GPR39: variants seen among roughly 807,000 people sequenced by gnomAD.
GPR39 encodes the protein zinc sensing receptor.
A neutral mutation model predicts 18.4 loss-of-function variants in GPR39; 23 were observed. The observed-to-expected ratio is 1.25, with a 90% CI of 0.90 to 1.77. GPR39 has a LOEUF of 1.77. Among genes scored for constraint, GPR39 ranks in the 40% most tolerant of loss-of-function variants. The pLI is 0.00. For missense variants in GPR39, 647 were observed against 602.4 expected, an observed-to-expected ratio of 1.07 and a Z score of -0.78; for synonymous variants, 280 against 257.9, an observed-to-expected ratio of 1.09 and a Z score of -0.82.
At chr2:132,488,032 G>A (rs1203576680) in intron 1 of GPR39, among the ~76,000 whole-genome samples, 1 of 152,142 alleles carries the variant, frequency 6.6e-6, no homozygotes, top group Non-Finnish European at 1.5e-5. Context: ...AGTGTATATA[G>A]CTTTCAAAGA....
At chr2:132,466,814 G>A (rs1338959057) in intron 1 of GPR39, among the ~76,000 whole-genome samples, 1 of 152,120 alleles carries the variant, frequency 6.6e-6, no homozygotes, top group Non-Finnish European at 1.5e-5. Flanking sequence ...AGTGGCATCT[G>A]TGCCCAGAGA....
intron 1 of GPR39, among the ~76,000 whole-genome samples, chr2:132,485,557 C>G (rs1012892042): frequency 6.6e-6 from 1 of 152,214 alleles, no homozygotes; most frequent in Non-Finnish European, 1.5e-5. Context: ...AAGTAATATT[C>G]TAAAGCCTTC....
chr2:132,447,595 C>T (rs1464200151), intron 1 of GPR39, among the ~76,000 whole-genome samples: 1 of 152,144 alleles, frequency 6.6e-6, no homozygotes, highest in African/African-American at 2.4e-5. Flanking sequence ...GGTGCCTGCT[C>T]AGACTGAAAA....
chr2:132,464,115 A>G (rs1286190025), intron 1 of GPR39, among the ~76,000 whole-genome samples: 2 of 152,246 alleles, frequency 1.3e-5, no homozygotes, highest in Non-Finnish European at 2.9e-5. Context: ...TAGATGTTAA[A>G]TTAAAAATCA....
At chr2:132,542,881 C>T (rs1359338635) in intron 1 of GPR39, among the ~76,000 whole-genome samples, 3 of 152,172 alleles carry the variant, frequency 2.0e-5, no homozygotes, top group Non-Finnish European at 4.4e-5. Flanking sequence ...TCCCAACCTC[C>T]CTTGCCACTC....
chr2:132,470,528 T>C (rs551052944), intron 1 of GPR39, among the ~76,000 whole-genome samples: 1 of 152,086 alleles, frequency 6.6e-6, no homozygotes, highest in African/African-American at 2.4e-5. Flanking sequence ...TGGAGATGGA[T>C]TATAAAGTGC....
chr2:132,628,234 G>T (rs1681587343), intron 1 of GPR39, among the ~76,000 whole-genome samples: 2 of 152,156 alleles, frequency 1.3e-5, no homozygotes, highest in Admixed American at 1.3e-4. Flanking sequence ...TTGCCCCACT[G>T]GTGCCCTGAG....
chr2:132,465,784 G>C (rs900100023), intron 1 of GPR39, among the ~76,000 whole-genome samples: 3 of 152,144 alleles, frequency 2.0e-5, no homozygotes, highest in Admixed American at 6.5e-5. Context: ...TATGACCTCA[G>C]GAAGGTTAAT....
chr2:132,578,763 G>C (rs978909607), intron 1 of GPR39, among the ~76,000 whole-genome samples: 2 of 151,966 alleles, frequency 1.3e-5, no homozygotes, highest in Non-Finnish European at 2.9e-5. Context: ...TTTTATCTAA[G>C]TTATCAAATA....
intron 1 of GPR39, among the ~76,000 whole-genome samples, chr2:132,510,049 G>A (rs1391623135): frequency 6.6e-6 from 1 of 152,194 alleles, no homozygotes; most frequent in Non-Finnish European, 1.5e-5. Flanking sequence ...CTCTAACTAT[G>A]ACTGAGAGGC....
At chr2:132,587,941 G>A (rs1680761136) in intron 1 of GPR39, among the ~76,000 whole-genome samples, 1 of 152,114 alleles carries the variant, frequency 6.6e-6, no homozygotes, top group East Asian at 1.9e-4. Context: ...GGAGTTGACT[G>A]GAATAATGAA....
At position 132,554,843 on chromosome 2, in the gene GPR39, A is replaced by G. The variant is rs573948978; in HGVS notation, c.857-90258A>G. ...GCTTTACAAACTTTTTAGTGCACAC[A>G]TCTCTCCCACATAAACAGTAAGCTT... is the stretch of plus-strand genomic sequence containing the variant. On this transcript the variant is annotated intron_variant, in intron 1 of 1. Transcript: ENST00000329321. Among the ~76,000 whole-genome samples the G allele has an allele frequency of 1.6e-4, 24 of 152,316 alleles. 1 individual carries two copies. Among genetic ancestry groups the G allele is most frequent in the African/African-American group, 5.5e-4 (23 of 41,578 alleles).
intron 1 of GPR39, among the ~76,000 whole-genome samples, chr2:132,605,289 G>T (rs1052860065): frequency 1.3e-5 from 2 of 152,208 alleles, no homozygotes. Flanking sequence ...TGAAGTGGAT[G>T]TGGGTAGGCT....
chr2:132,583,661 G>C (rs759787937), intron 1 of GPR39, among the ~76,000 whole-genome samples: 8 of 151,788 alleles, frequency 5.3e-5, no homozygotes, highest in Non-Finnish European at 1.0e-4. Flanking sequence ...GATTGAAGAG[G>C]GGCATGGCAG....
intron 1 of GPR39, among the ~76,000 whole-genome samples, chr2:132,536,859 A>C (rs893229027): frequency 5.9e-5 from 9 of 152,166 alleles, no homozygotes; most frequent in Admixed American, 5.9e-4. Flanking sequence ...GTTGGTTTAA[A>C]GTCTGTTTTA....
At chr2:132,534,864 A>G (rs895181863) in intron 1 of GPR39, among the ~76,000 whole-genome samples, 3 of 152,094 alleles carry the variant, frequency 2.0e-5, no homozygotes, top group African/African-American at 7.2e-5. Flanking sequence ...AGGGAGGGTT[A>G]GCATTAGGAG....
At chr2:132,565,281 C>T (rs973288274) in intron 1 of GPR39, among the ~76,000 whole-genome samples, 1 of 152,102 alleles carries the variant, frequency 6.6e-6, no homozygotes, top group Non-Finnish European at 1.5e-5. Context: ...CAGAAGGACA[C>T]TCATAGTGAA....
intron 1 of GPR39, among the ~76,000 whole-genome samples, chr2:132,418,692 G>A (rs1679955842): frequency 6.6e-6 from 1 of 152,202 alleles, no homozygotes; most frequent in Non-Finnish European, 1.5e-5. Flanking sequence ...TTTAAAAAGA[G>A]CCCACAGGTC....
Position 132,417,139 on chromosome 2 carries a change from C to T in GPR39, c.97C>T (p.Leu33Phe), listed in dbSNP as rs766900186. ...GGTGGCCACCTGGATCAAAATCACC[C>T]TTATTCTGGTGTACCTGATCATCTT... ...FEVATWIKIT[L>F]ILVYLIIFVM... The change falls in exon 1 of 2, where the codon CTT (leucine) becomes TTT (phenylalanine). Residue 33 changes from leucine to phenylalanine, a missense_variant. By Grantham distance (22) the Leu-to-Phe change is conservative (BLOSUM62 0). Transcript: ENST00000329321. The T allele has an allele frequency of 6.2e-7, 1 of 1,614,140 alleles. No homozygotes were observed. The highest frequency in any genetic ancestry group is 1.1e-5 in the South Asian group (1 of 91,078).
Sources: allele counts gnomAD v4.1 joint callset (sites outside exome capture counted in the v4.1 genomes callset), GRCh38; gene constraint gnomAD v4.1.1; transcripts MANE v1.5; gene names NCBI Gene and HGNC (gene_info 2026-07-23, HGNC 2026-07-21).